FHL1: variants seen among roughly 807,000 people sequenced by gnomAD.
FHL1 encodes the protein four and a half LIM domains 1.
In FHL1, 1 loss-of-function variant was observed where a neutral mutation model predicts 20.3. The observed-to-expected ratio is 0.05, with a 90% CI of 0.02 to 0.23. The LOEUF (loss-of-function observed/expected upper bound fraction) is 0.23. FHL1 is among the 10% of genes least tolerant of loss of function. The pLI is 1.00. For synonymous variants in FHL1, 82 were observed against 88.9 expected, an observed-to-expected ratio of 0.92 and a Z score of 0.44; for missense variants, 177 against 234.0, an observed-to-expected ratio of 0.76 and a Z score of 1.59.
rs1464579270 is a variant in FHL1, at chrX:136,210,638, G to C, written c.*613G>C. 2.6e-6 allele frequency: 1 copy of C among 389,435 alleles called. No individual in the cohort carries two copies. The highest frequency in any genetic ancestry group is 5.3e-5 in the East Asian group (1 of 18,895). The allele number at this position is 389,435 out of a possible 1,213,427, so 32.1% of individuals were successfully genotyped here. A position where few individuals can be genotyped will look rare whatever the true frequency, so the allele number is the denominator to read the frequency against. On this transcript the variant is annotated 3_prime_UTR_variant, in exon 6 of 6. Coordinates refer to ENST00000370683, the MANE Select transcript of FHL1 (RefSeq NM_001159699.2). ...TGACCTTTCCCCGTACTAACGTTTG[G>C]TTTCCCCGTGTGGCATGTTTTCTGA...
At chrX:136,177,259 G>A (rs1023701003) in intron 2 of FHL1, among the ~76,000 whole-genome samples, 1 of 111,387 alleles carries the variant, frequency 9.0e-6, no homozygotes, top group African/African-American at 3.3e-5. Flanking sequence ...ATATTTCAGA[G>A]TTCAAGTGTA....
intron 1 of FHL1, among the ~76,000 whole-genome samples, chrX:136,149,568 C>A (rs745873998): frequency 8.0e-5 from 9 of 112,055 alleles, no homozygotes; most frequent in African/African-American, 2.9e-4. Context: ...CATATAGATT[C>A]TGTAACCATA....
chrX:136,180,237 A>G (rs138281860), intron 2 of FHL1, among the ~76,000 whole-genome samples: 23 of 112,236 alleles, frequency 2.0e-4, no homozygotes, highest in African/African-American at 7.4e-4. Flanking sequence ...ATATGGTCAC[A>G]TTATTTGTAT....
In FHL1 at chrX:136,210,304, G is replaced by A. The variant is rs1426863968; in HGVS notation, c.*279G>A. ...TTGACTCTTCTGCATGTTTCTCATA[G>A]AGCAGAAAAGTGCTAATCATTTAGC... On this transcript the variant is annotated 3_prime_UTR_variant, in exon 6 of 6. Transcript: ENST00000370683. 1.6e-5 allele frequency: 7 copies of A among 446,373 alleles called. No homozygotes were observed. The highest frequency in any genetic ancestry group is 2.8e-5 in the Non-Finnish European group (7 of 245,739). 36.8% of individuals were successfully genotyped at this position (446,373 alleles called of 1,213,427 possible). A position where few individuals can be genotyped will look rare whatever the true frequency, so the allele number is the denominator to read the frequency against.
At chrX:136,173,149 T>C (rs1447423142) in intron 2 of FHL1, among the ~76,000 whole-genome samples, 1 of 112,776 alleles carries the variant, frequency 8.9e-6, no homozygotes, top group African/African-American at 3.2e-5. Context: ...GTTTACAGAA[T>C]TATTTGGAAC....
chrX:136,182,623 A>T (rs927637048), intron 2 of FHL1: 35 of 111,876 alleles, frequency 3.1e-4, no homozygotes, highest in African/African-American at 1.0e-3. Flanking sequence ...GGAAGTCTTC[A>T]CTAGCACTCT....
chrX:136,160,816 A>G (rs773844509), intron 1 of FHL1, among the ~76,000 whole-genome samples: 108 of 111,358 alleles, frequency 9.7e-4, no homozygotes, highest in African/African-American at 3.3e-3. Context: ...CACCTGTTAA[A>G]AGCAGATTTT....
intron 1 of FHL1, among the ~76,000 whole-genome samples, chrX:136,153,124 A>G (rs1314113315): frequency 1.8e-5 from 2 of 111,789 alleles, no homozygotes; most frequent in Non-Finnish European, 3.8e-5. Context: ...CGCGGCATCA[A>G]ATTCATTCTT....
intron 2 of FHL1, among the ~76,000 whole-genome samples, chrX:136,182,306 G>T (rs1056372843): frequency 8.9e-6 from 1 of 112,045 alleles, no homozygotes; most frequent in African/African-American, 3.2e-5. Flanking sequence ...ATTGCATTTG[G>T]AAGGCAGAGG....
At position 136,197,083 on chromosome X, in the gene FHL1, G is replaced by A. The variant is rs1370701296; in HGVS notation, c.-30G>A. On this transcript the variant is annotated 5_prime_UTR_variant, in exon 1 of 6. Transcript: ENST00000370683. ...CTGGGGTTGAGGGAAGACTGGTCTA[G>A]GTGCTGCTCCTGAACTTGGTCTCTG... 1 of 1,203,453 alleles carries A rather than the reference G, an allele frequency of 8.3e-7. No homozygotes were observed. Among genetic ancestry groups the A allele is most frequent in the Non-Finnish European group, 1.1e-6 (1 of 890,571 alleles).
intron 1 of FHL1, among the ~76,000 whole-genome samples, chrX:136,163,319 C>T (rs902796168): frequency 8.9e-6 from 1 of 112,381 alleles, no homozygotes; most frequent in African/African-American, 3.2e-5. Context: ...CTGCAATGAA[C>T]GTCAGATGCA....
intron 2 of FHL1, among the ~76,000 whole-genome samples, 182 bp from the exon 3 acceptor site, chrX:136,206,832 TTG>T (rs1378642104): frequency 8.9e-6 from 1 of 112,906 alleles, no homozygotes; most frequent in East Asian, 2.8e-4. Context: ...ATTTCAAGAA[TTG>T]TGAGATTTTT....
chrX:136,184,783 T>TTA (rs1430409708), intron 2 of FHL1, among the ~76,000 whole-genome samples: 3 of 111,934 alleles, frequency 2.7e-5, no homozygotes, highest in South Asian at 3.6e-4. Flanking sequence ...AAAGCCTGAT[T>TTA]TATATATATA....
chrX:136,205,634 T>G (rs763477376), intron 1 of FHL1, among the ~76,000 whole-genome samples: 10 of 112,396 alleles, frequency 8.9e-5, no homozygotes, highest in Non-Finnish European at 1.9e-4. Flanking sequence ...TAGGATCTAT[T>G]CAGGGATTTA....
At chrX:136,153,284 T>TGGG (rs11399857) in intron 1 of FHL1, among the ~76,000 whole-genome samples, 18 of 87,632 alleles carry the variant, frequency 2.1e-4, no homozygotes, top group African/African-American at 4.6e-4. Flanking sequence ...TTGCGGGAGG[T>TGGG]GGGGGGGGGC....
At chrX:136,209,749 G>A (rs1004023354) in intron 5 of FHL1, 122 bp from the exon 6 acceptor site, 5 of 836,428 alleles carry the variant, frequency 6.0e-6, no homozygotes, top group South Asian at 4.9e-5. Context: ...TGGCTCTTGC[G>A]TGCTTGTCGG....
At chrX:136,208,776 A>C in intron 5 of FHL1, 135 bp downstream of exon 5, 3 of 628,064 alleles carry the variant, frequency 4.8e-6, no homozygotes, top group Non-Finnish European at 7.8e-6. Context: ...TGTGGTCCCA[A>C]AGGCCCCCCA....
Position 136,203,934 on chromosome X carries a change from A to G in FHL1, c.23-2473A>G, listed in dbSNP as rs545898084. Among the ~76,000 whole-genome samples, 7 of 112,536 alleles carry G rather than the reference A, an allele frequency of 6.2e-5. No homozygotes were observed. In the South Asian group the frequency reaches 2.6e-3, roughly 41 times the overall value. ...TAGGTGGAACTTTATATAGTACTTT[A>G]ACTTAGAAATATTTGGAATCAATTT... is the stretch of plus-strand genomic sequence containing the variant. On this transcript the variant is annotated intron_variant, in intron 1 of 5. Coordinates refer to ENST00000370683, the MANE Select transcript of FHL1 (RefSeq NM_001159699.2).
chrX:136,162,671 C>T (rs1164389215), intron 1 of FHL1, among the ~76,000 whole-genome samples: 1 of 111,394 alleles, frequency 9.0e-6, no homozygotes, highest in Non-Finnish European at 1.9e-5. Flanking sequence ...GGGATGGGGC[C>T]CCGCCATCTG....
Sources: gnomAD v4.1 joint callset for allele counts (sites outside exome capture counted in the v4.1 genomes callset) on GRCh38, gnomAD v4.1.1 for gene constraint, MANE v1.5 for transcripts, NCBI Gene and HGNC (gene_info 2026-07-23, HGNC 2026-07-21) for gene names.